The following GLDC variants were observed in gnomAD, a reference collection of about 807,000 sequenced individuals.
The protein encoded by GLDC is glycine decarboxylase, also known as glycine dehydrogenase (decarboxylating), mitochondrial.
A neutral mutation model predicts 121.3 loss-of-function variants in GLDC; 104 were observed. The observed-to-expected ratio is 0.86, with a 90% confidence interval of 0.73 to 1.01. GLDC has a LOEUF of 1.01. Ranked by LOEUF, GLDC falls within the 50% of genes least tolerant of loss-of-function variation. GLDC has a pLI of 0.00. For synonymous variants in GLDC, 546 were observed against 480.6 expected (o/e 1.14, Z -1.78); for missense variants, 1,429 against 1,306.6 (o/e 1.09, Z -1.44).
At chr9:6,602,377 ATTT>A (rs879833847) in intron 7 of GLDC, among the ~76,000 whole-genome samples, 172 bp from the exon 8 acceptor site, 3 of 142,360 alleles carry the variant, frequency 2.1e-5, no homozygotes, top group Non-Finnish European at 3.1e-5. Context: ...ATGATTACTG[ATTT>A]TTTTTTTTTT....
chr9:6,610,543 C>G (rs1446381275), intron 3 of GLDC, among the ~76,000 whole-genome samples, 187 bp from the exon 4 acceptor site: 1 of 152,098 alleles, frequency 6.6e-6, no homozygotes, highest in African/African-American at 2.4e-5. Flanking sequence ...CAATATTACC[C>G]TTTGTTTGGG....
chr9:6,637,153 C>G (rs796255165), intron 2 of GLDC, among the ~76,000 whole-genome samples: 18 of 151,900 alleles, frequency 1.2e-4, no homozygotes, highest in African/African-American at 4.3e-4. Context: ...TTGGAAAATC[C>G]CAGCACTTTG....
At chr9:6,537,465 T>C (rs1052312394) in intron 22 of GLDC, among the ~76,000 whole-genome samples, 1 of 152,186 alleles carries the variant, frequency 6.6e-6, no homozygotes, top group Non-Finnish European at 1.5e-5. Context: ...ATTTCAAACA[T>C]TCTCTACCAA....
chr9:6,587,836 T>C (rs1818301340), intron 14 of GLDC, among the ~76,000 whole-genome samples: 1 of 152,014 alleles, frequency 6.6e-6, no homozygotes, highest in South Asian at 2.1e-4. Flanking sequence ...ATTCTTATCA[T>C]GATATAAAAT....
rs772425780 is a variant in GLDC, at chr9:6,602,091, G to A, written c.1155+18C>T. On this transcript the variant is annotated intron_variant, in intron 8 of 24. Coordinates refer to ENST00000321612, the MANE Select transcript of GLDC (RefSeq NM_000170.3). ...GTATCGTAAGGCATTCAGTAGTCAG[G>A]TCAGACGTGTGATTTACCTGAGCTG... 9 of 1,441,538 alleles carry A rather than the reference G, an allele frequency of 6.2e-6. No individual in the cohort carries two copies. In the South Asian group the frequency reaches 9.1e-5, roughly 15 times the overall value. 89.3% of individuals were successfully genotyped at this position (1,441,538 alleles called of 1,614,324 possible).
intron 8 of GLDC, 92 bp downstream of exon 8, chr9:6,602,016 GT>G: frequency 1.2e-6 from 1 of 822,070 alleles, no homozygotes; most frequent in Non-Finnish European, 2.1e-6. Flanking sequence ...TGCTCAGGAG[GT>G]GGTGAATAAA....
chr9:6,571,516 T>C (rs1398969889), intron 15 of GLDC, among the ~76,000 whole-genome samples: 4 of 152,182 alleles, frequency 2.6e-5, no homozygotes, highest in South Asian at 2.1e-4. Flanking sequence ...ATCGTGCCAC[T>C]GTACGATTTC....
chr9:6,599,753 A>C (rs1208577959), intron 8 of GLDC, among the ~76,000 whole-genome samples: 2 of 151,972 alleles, frequency 1.3e-5, no homozygotes, highest in South Asian at 2.1e-4. Context: ...AAAACAAATA[A>C]ATAAATAAAG....
intron 2 of GLDC, among the ~76,000 whole-genome samples, chr9:6,643,769 C>G (rs1009319845): frequency 6.6e-6 from 1 of 151,890 alleles, no homozygotes; most frequent in Non-Finnish European, 1.5e-5. Flanking sequence ...CACAGTGACT[C>G]GTGCCTGTAA....
intron 3 of GLDC, among the ~76,000 whole-genome samples, chr9:6,619,868 C>T (rs375396152): frequency 6.6e-6 from 1 of 152,268 alleles, no homozygotes; most frequent in African/African-American, 2.4e-5. Flanking sequence ...CTGAATCTGC[C>T]CACCTGCAGG....
Position 6,540,016 on chromosome 9 carries a change from C to T in GLDC, c.2665+35G>A, listed in dbSNP as rs147640872. ...GCTTTAGGAAGTGGTCCACAGCCAG[C>T]ATGGGCGGCGGCATGAATGTCAAAA... On this transcript the variant is annotated intron_variant, in intron 22 of 24. Coordinates refer to ENST00000321612, the MANE Select transcript of GLDC (RefSeq NM_000170.3). 1.0e-3 allele frequency: 1,313 copies of T among 1,313,456 alleles called. 12 individuals are homozygous for T. In the African/African-American group the frequency reaches 0.017, roughly 17 times the overall value. 81.4% of individuals were successfully genotyped at this position (1,313,456 alleles called of 1,614,324 possible).
intron 11 of GLDC, among the ~76,000 whole-genome samples, chr9:6,589,690 G>C (rs1217807827): frequency 6.6e-6 from 1 of 152,140 alleles, no homozygotes. Context: ...GCTTCCCAAA[G>C]TGCTGGGATT....
intron 8 of GLDC, among the ~76,000 whole-genome samples, chr9:6,598,132 A>G (rs1818527700): frequency 2.0e-5 from 3 of 152,014 alleles, no homozygotes; most frequent in Non-Finnish European, 4.4e-5. Flanking sequence ...CAGCTCAAGC[A>G]CTCCTACCAC....
At chr9:6,633,766 C>G (rs555720407) in intron 2 of GLDC, among the ~76,000 whole-genome samples, 5 of 145,572 alleles carry the variant, frequency 3.4e-5, no homozygotes, top group South Asian at 2.2e-4. Flanking sequence ...ACTAAAAATA[C>G]AAAAATGAGC....
intron 21 of GLDC, 147 bp from the exon 22 acceptor site, chr9:6,540,293 T>C (rs878889653): frequency 8.8e-6 from 6 of 679,170 alleles, no homozygotes; most frequent in South Asian, 8.1e-5. Context: ...GGTAAGTTTA[T>C]TATTGGCAAT....
At chr9:6,542,597 A>G (rs917623624) in intron 21 of GLDC, among the ~76,000 whole-genome samples, 2 of 152,240 alleles carry the variant, frequency 1.3e-5, no homozygotes, top group East Asian at 3.9e-4. Context: ...TCAAAAGCAG[A>G]AAATTCAGCC....
chr9:6,554,371 A>G (rs1817575020), intron 19 of GLDC, among the ~76,000 whole-genome samples: 1 of 152,218 alleles, frequency 6.6e-6, no homozygotes, highest in African/African-American at 2.4e-5. Flanking sequence ...TTCCAGTTAC[A>G]ATACGTATGC....
rs773642256 is a variant in GLDC, at chr9:6,533,070, G to C, written c.3010C>G (p.Pro1004Ala). The change falls in exon 25 of 25, where the codon CCC (proline) becomes GCC (alanine). Residue 1004 changes from proline (P) to alanine (A), a missense_variant. Transcript: ENST00000321612. ...GDQHLVCTCPPMEVYESPFSE... is the reference protein window; with the variant it reads ...GDQHLVCTCPAMEVYESPFSE... ...AATGGAGACTCATAAACTTCCATGGGTGGGCAGGTACAAACCAGGTGCTGA... is the reference window on the plus strand; with the variant it reads ...AATGGAGACTCATAAACTTCCATGGCTGGGCAGGTACAAACCAGGTGCTGA... The C allele has an allele frequency of 2.5e-5, 41 of 1,611,470 alleles. No individual in the cohort carries two copies. The South Asian group carries it at 3.1e-4, about 12-fold the overall frequency.
At position 6,557,333 on chromosome 9, in the gene GLDC, C is replaced by T. The variant is rs551717996; in HGVS notation, c.2053-1031G>A. 7.9e-5 allele frequency among the ~76,000 whole-genome samples: 12 copies of T among 152,282 alleles called. No individual in the cohort carries two copies. In the South Asian group the frequency reaches 1.0e-3, roughly 13 times the overall value. On this transcript the variant is annotated intron_variant, in intron 17 of 24. Transcript: ENST00000321612. ...AACAGAGGCCAGGCGTGGTAGCTCA[C>T]GCCTGTAATCTCAGCACTTTGGGAG...
Sources: allele counts gnomAD v4.1 joint callset (sites outside exome capture counted in the v4.1 genomes callset), GRCh38; gene constraint gnomAD v4.1.1; transcripts MANE v1.5; gene names NCBI Gene and HGNC (gene_info 2026-07-23, HGNC 2026-07-21).